TEKT5: variants seen among roughly 807,000 people sequenced by gnomAD.
TEKT5 encodes tektin-5.
In TEKT5, 52 loss-of-function variants were observed where a neutral mutation model predicts 48.7. The observed-to-expected ratio is 1.07, with a 90% CI of 0.86 to 1.35. The LOEUF (loss-of-function observed/expected upper bound fraction) is 1.35, where lower values mean the gene tolerates loss of function less well. TEKT5 is among the 40% of genes most tolerant of loss of function. The pLI is 0.00. For synonymous variants in TEKT5, 318 were observed against 267.6 expected, an observed-to-expected ratio of 1.19 and a Z score of -1.84; for missense variants, 831 against 641.6, an observed-to-expected ratio of 1.30 and a Z score of -3.19.
intron 5 of TEKT5, among the ~76,000 whole-genome samples, chr16:10,651,733 G>A (rs969663449): frequency 2.0e-5 from 3 of 152,160 alleles, no homozygotes; most frequent in Non-Finnish European, 4.4e-5. Context: ...GCCGAGGTGG[G>A]AGGATCACCT....
At chr16:10,670,071 G>A (rs767563183) in intron 5 of TEKT5, among the ~76,000 whole-genome samples, 4 of 152,244 alleles carry the variant, frequency 2.6e-5, no homozygotes, top group Admixed American at 6.5e-5. Flanking sequence ...CTGTCTGCAC[G>A]TGGAGCCGTG....
chr16:10,631,069 CATATAT>C (rs150668217), intron 6 of TEKT5, among the ~76,000 whole-genome samples: 1 of 145,192 alleles, frequency 6.9e-6, no homozygotes, highest in African/African-American at 2.5e-5. Context: ...TATCTATGTC[CATATAT>C]ATATATATAC....
At chr16:10,681,373 CTCTG>C (rs1407021224) in intron 4 of TEKT5, among the ~76,000 whole-genome samples, 587 of 31,054 alleles carry the variant, frequency 0.019, 8 homozygotes, top group African/African-American at 0.11. Context: ...AGATTCCACT[CTCTG>C]TCTCTCTCTC....
At chr16:10,636,370 T>C (rs1897913662) in intron 5 of TEKT5, among the ~76,000 whole-genome samples, 1 of 123,350 alleles carries the variant, frequency 8.1e-6, no homozygotes, top group Non-Finnish European at 1.8e-5. Flanking sequence ...AGCGAGACTT[T>C]GTCTCAAAAA....
At chr16:10,658,724 C>CTTTT (rs1555466067) in intron 5 of TEKT5, among the ~76,000 whole-genome samples, 1 of 147,280 alleles carries the variant, frequency 6.8e-6, no homozygotes, top group Non-Finnish European at 1.5e-5. Context: ...ATTTCTTTTT[C>CTTTT]TTTTTTTTTT....
At chr16:10,638,719 A>G (rs1897949867) in intron 5 of TEKT5, among the ~76,000 whole-genome samples, 1 of 152,142 alleles carries the variant, frequency 6.6e-6, no homozygotes, top group Non-Finnish European at 1.5e-5. Context: ...GCTACCTTAT[A>G]CAAGACCACA....
rs536861016 is a variant in TEKT5, at chr16:10,690,287, C to T, written c.565-262G>A. 2.0e-5 allele frequency among the ~76,000 whole-genome samples: 3 copies of T among 152,298 alleles called. No individual in the cohort carries two copies. In the South Asian group the frequency reaches 6.2e-4, roughly 32 times the overall value. ...CAGGATAAAGTAGCATCCCAAGAAC[C>T]AATTTTGATTCCCATAATTGCATCA... On this transcript the variant is annotated intron_variant, in intron 1 of 6. Coordinates refer to ENST00000283025, the MANE Select transcript of TEKT5 (RefSeq NM_144674.2).
At chr16:10,669,494 T>C (rs1898519139) in intron 5 of TEKT5, among the ~76,000 whole-genome samples, 1 of 152,136 alleles carries the variant, frequency 6.6e-6, no homozygotes, top group East Asian at 1.9e-4. Context: ...TGGCAGGTGT[T>C]AAAAGAGGTA....
At chr16:10,672,421 G>A (rs34383068) in intron 5 of TEKT5, among the ~76,000 whole-genome samples, 18,022 of 152,002 alleles carry the variant, frequency 0.12, 1,172 homozygotes, top group East Asian at 0.27. Context: ...GCAAAACGCC[G>A]TCTCTACAAA....
chr16:10,639,769 G>A (rs545051595), intron 5 of TEKT5, among the ~76,000 whole-genome samples: 4 of 152,312 alleles, frequency 2.6e-5, no homozygotes, highest in African/African-American at 9.6e-5. Flanking sequence ...ACACACCTCA[G>A]ACAGACTGGT....
chr16:10,632,974 G>C (rs1386066107), intron 6 of TEKT5, among the ~76,000 whole-genome samples: 1 of 151,396 alleles, frequency 6.6e-6, no homozygotes, highest in Non-Finnish European at 1.5e-5. Context: ...CTCCTCAGTG[G>C]TATGACTGTT....
At chr16:10,656,723 A>G (rs1213484425) in intron 5 of TEKT5, among the ~76,000 whole-genome samples, 1 of 152,224 alleles carries the variant, frequency 6.6e-6, no homozygotes, top group Non-Finnish European at 1.5e-5. Context: ...AAGGTATTCA[A>G]CTGGGTACAT....
At chr16:10,669,206 G>A (rs1028805866) in intron 5 of TEKT5, among the ~76,000 whole-genome samples, 1 of 152,066 alleles carries the variant, frequency 6.6e-6, no homozygotes, top group Non-Finnish European at 1.5e-5. Context: ...GGTAGCTCAC[G>A]CCTGTAATCC....
At chr16:10,690,484 G>T (rs558695726) in intron 1 of TEKT5, 3 of 819,856 alleles carry the variant, frequency 3.7e-6, no homozygotes. Context: ...CTCTCTGCTG[G>T]TTTCCTCCTC....
At chr16:10,673,872 G>C (rs898967936) in intron 5 of TEKT5, among the ~76,000 whole-genome samples, 3 of 151,564 alleles carry the variant, frequency 2.0e-5, no homozygotes, top group African/African-American at 7.3e-5. Context: ...GGCTGGTCTC[G>C]AACTCCTGAC....
At chr16:10,656,668 G>C (rs1898267753) in intron 5 of TEKT5, among the ~76,000 whole-genome samples, 2 of 152,322 alleles carry the variant, frequency 1.3e-5, no homozygotes, top group African/African-American at 2.4e-5. Flanking sequence ...AAGAGGAAAA[G>C]ATAACCAAAG....
chr16:10,643,050 C>T (rs1432725375), intron 5 of TEKT5, among the ~76,000 whole-genome samples: 3 of 152,082 alleles, frequency 2.0e-5, no homozygotes, highest in Admixed American at 6.6e-5. Context: ...ACATGGTGTG[C>T]GTCAAAACAT....
chr16:10,630,925 G>C (rs1444285310), intron 6 of TEKT5, among the ~76,000 whole-genome samples: 1 of 151,778 alleles, frequency 6.6e-6, no homozygotes, highest in Non-Finnish European at 1.5e-5. Flanking sequence ...TTGGGAGGCT[G>C]ACCCAGGAGG....
At chr16:10,674,236 C>T (rs1192340893) in intron 5 of TEKT5, among the ~76,000 whole-genome samples, 4 of 151,370 alleles carry the variant, frequency 2.6e-5, no homozygotes, top group South Asian at 2.1e-4. Flanking sequence ...TCGGTGGCAA[C>T]GTCCCCTGCT....
Sources: gnomAD v4.1 joint callset for allele counts (sites outside exome capture counted in the v4.1 genomes callset) on GRCh38, gnomAD v4.1.1 for gene constraint, MANE v1.5 for transcripts, NCBI Gene and HGNC (gene_info 2026-07-23, HGNC 2026-07-21) for gene names.